The following GPRC5B variants were observed in gnomAD, a reference collection of about 807,000 sequenced individuals.
The protein encoded by GPRC5B is G protein-coupled receptor class C group 5 member B, also known as G protein-coupled receptor family C group 5 member B.
A neutral mutation model predicts 30.1 loss-of-function variants in GPRC5B; 16 were observed. The observed-to-expected ratio is 0.53, with a 90% CI of 0.36 to 0.81. GPRC5B has a LOEUF of 0.81. Ranked by LOEUF, GPRC5B falls within the 30% of genes least tolerant of loss-of-function variation. The probability of loss-of-function intolerance (pLI) is 0.01; values close to 1 mark genes in which losing one functional copy is unlikely to be tolerated. For synonymous variants in GPRC5B, 241 were observed against 239.5 expected (o/e 1.01, Z -0.06); for missense variants, 428 against 544.7 (o/e 0.79, Z 2.13).
At chr16:19,877,064 A>G (rs2056764507) in intron 1 of GPRC5B, among the ~76,000 whole-genome samples, 1 of 152,186 alleles carries the variant, frequency 6.6e-6, no homozygotes, top group South Asian at 2.1e-4. Context: ...TGGGGTTGAA[A>G]AACTACAAGG....
In GPRC5B at chr16:19,861,087, T is replaced by TAAAAAAAAAAAAAAAAAAAAAA. The variant is rs3067833; in HGVS notation, c.1168-544_1168-543insTTTTTTTTTTTTTTTTTTTTTT. Among the ~76,000 whole-genome samples, 91 of 93,352 alleles carry TAAAAAAAAAAAAAAAAAAAAAA rather than the reference T, an allele frequency of 9.7e-4. 2 individuals are homozygous for TAAAAAAAAAAAAAAAAAAAAAA. Among genetic ancestry groups the TAAAAAAAAAAAAAAAAAAAAAA allele is most frequent in the African/African-American group, 4.3e-3 (88 of 20,472 alleles). The allele number at this position is 93,352 out of a possible 152,430, so 61.2% of individuals were successfully genotyped here. On this transcript the variant is annotated intron_variant, in intron 3 of 3. Transcript: ENST00000300571. ...GATCAAAGACCATCCCTGATTTACA[T>TAAAAAAAAAAAAAAAAAAAAAA]AAAAAAAAAAAAAAAAAGAAGAATG...
Position 19,872,574 on chromosome 16 carries a change from C to T in GPRC5B, c.272G>A (p.Ser91Asn), listed in dbSNP as rs1326864009. 2 of 1,614,022 alleles carry T rather than the reference C, an allele frequency of 1.2e-6. No homozygotes were observed. The highest frequency in any genetic ancestry group is 1.7e-6 in the Non-Finnish European group (2 of 1,179,986). The stretch of plus-strand genomic sequence containing the variant: ...GAACAGAAAGTGGAGGCCCACAGGG[C>T]TCTTCTTCTCCTTCTCCTTGATGAA... The part of the protein sequence containing the change: ...LPFIKEKEKK[S>N]PVGLHFLFLL... Residue 91 changes from serine (S) to asparagine (N), a missense_variant, in exon 2 of 4, where the codon AGC becomes AAC. Coordinates refer to ENST00000300571, the MANE Select transcript of GPRC5B (RefSeq NM_016235.3). The surrounding 1 kb of genome is among the most constrained non-coding windows in gnomAD (Gnocchi z 5.0).
chr16:19,881,132 C>T (rs2141153890), intron 1 of GPRC5B: 1 of 152,414 alleles, frequency 6.6e-6, no homozygotes, highest in East Asian at 1.9e-4. Context: ...GGCTGAAAGG[C>T]CTCAGTGGGA....
Position 19,884,798 on chromosome 16 carries a change from C to A in GPRC5B, c.-73G>T. On this transcript the variant is annotated 5_prime_UTR_variant, in exon 1 of 4. Transcript: ENST00000300571. The stretch of plus-strand genomic sequence containing the variant: ...CCGAGTCACATCTCTGCGGCGCGGC[C>A]GCGGCCCCCGCTCCACGCACGCCCG... 1.6e-5 allele frequency: 16 copies of A among 984,438 alleles called. No homozygotes were observed. Among genetic ancestry groups the A allele is most frequent in the Non-Finnish European group, 1.9e-5 (16 of 829,496 alleles). 61.0% of individuals were successfully genotyped at this position (984,438 alleles called of 1,614,324 possible).
chr16:19,876,916 C>T (rs960039810), intron 1 of GPRC5B, among the ~76,000 whole-genome samples: 1 of 152,256 alleles, frequency 6.6e-6, no homozygotes. Context: ...CTGTCCTAGG[C>T]CTGGCCAATC....
chr16:19,867,707 G>T (rs2056678370), intron 2 of GPRC5B, among the ~76,000 whole-genome samples: 1 of 152,182 alleles, frequency 6.6e-6, no homozygotes, highest in Non-Finnish European at 1.5e-5. Flanking sequence ...TTTGGGAGGT[G>T]ATTAGGCCAT....
At chr16:19,868,094 G>T (rs927488382) in intron 2 of GPRC5B, among the ~76,000 whole-genome samples, 1 of 150,688 alleles carries the variant, frequency 6.6e-6, no homozygotes, top group Non-Finnish European at 1.5e-5. Context: ...GAAAAAGGGG[G>T]CTGGGTGCGG....
In GPRC5B at chr16:19,857,290, C is replaced by T. The variant is rs539290457; in HGVS notation, c.*3210G>A. 50 of 346,520 alleles carry T rather than the reference C, an allele frequency of 1.4e-4. No individual in the cohort carries two copies. The highest frequency in any genetic ancestry group is 9.3e-4 in the South Asian group (40 of 43,172). 21.5% of individuals were successfully genotyped at this position (346,520 alleles called of 1,614,324 possible). A position where few individuals can be genotyped will look rare whatever the true frequency, so the allele number is the denominator to read the frequency against. Reference sequence around the variant, plus strand: ...TGGGTTGTTTTGACAAGCTACCACACGTCTTAAGTAAATAGTAAAGCCTTT... The same window carrying T: ...TGGGTTGTTTTGACAAGCTACCACATGTCTTAAGTAAATAGTAAAGCCTTT... On this transcript the variant is annotated 3_prime_UTR_variant, in exon 4 of 4. Coordinates refer to ENST00000300571, the MANE Select transcript of GPRC5B (RefSeq NM_016235.3).
chr16:19,877,651 A>T (rs2056768612), intron 1 of GPRC5B, among the ~76,000 whole-genome samples: 1 of 152,228 alleles, frequency 6.6e-6, no homozygotes, highest in African/African-American at 2.4e-5. Flanking sequence ...CACTCTGTGT[A>T]CTTCGCGTAT....
At chr16:19,866,389 CTT>C (rs1326682552) in intron 2 of GPRC5B, among the ~76,000 whole-genome samples, 1 of 151,948 alleles carries the variant, frequency 6.6e-6, no homozygotes, top group Non-Finnish European at 1.5e-5. Context: ...TAAGGTCTCC[CTT>C]TGTCACCCAG....
At chr16:19,881,976 G>A (rs559606409) in intron 1 of GPRC5B, among the ~76,000 whole-genome samples, 10 of 152,332 alleles carry the variant, frequency 6.6e-5, no homozygotes, top group Middle Eastern at 6.8e-3. Flanking sequence ...GGCTCAGGAT[G>A]GGGCTGCAGA....
chr16:19,878,088 A>T (rs1822667833), intron 1 of GPRC5B, among the ~76,000 whole-genome samples: 1 of 151,832 alleles, frequency 6.6e-6, no homozygotes, highest in Non-Finnish European at 1.5e-5. Flanking sequence ...GATCCCAGCT[A>T]CTTGGGGGAC....
intron 1 of GPRC5B, among the ~76,000 whole-genome samples, chr16:19,875,799 T>A (rs1434899374): frequency 6.6e-6 from 1 of 151,934 alleles, no homozygotes; most frequent in Non-Finnish European, 1.5e-5. Flanking sequence ...TAAATAAAAA[T>A]AAAATAAAAT....
chr16:19,864,238 G>A (rs975840985), intron 2 of GPRC5B, among the ~76,000 whole-genome samples: 7 of 152,172 alleles, frequency 4.6e-5, no homozygotes, highest in Non-Finnish European at 8.8e-5. Flanking sequence ...AAGCCAACTC[G>A]GGGCCTTCTA....
intron 1 of GPRC5B, among the ~76,000 whole-genome samples, chr16:19,878,477 G>A (rs759373497): frequency 1.1e-4 from 17 of 151,888 alleles, no homozygotes; most frequent in Admixed American, 2.6e-4. Flanking sequence ...TATTTTAGCA[G>A]AGACGGAGGT....
chr16:19,882,362 G>T (rs1050509482), intron 1 of GPRC5B: 1 of 152,242 alleles, frequency 6.6e-6, no homozygotes, highest in Non-Finnish European at 1.5e-5. Context: ...ATCCACAGTG[G>T]TTGGTTCCTC....
rs7191120 is a variant in GPRC5B at position 19,863,016 on chromosome 16, C to G, written c.1031-1043G>C. On this transcript the variant is annotated intron_variant, in intron 2 of 3. Coordinates refer to ENST00000300571, the MANE Select transcript of GPRC5B (RefSeq NM_016235.3). ...TTTTGCAAATTACTTGGGGCAGGGA[C>G]CAAAATCACCTTAGTTATACAGTTA... Among the ~76,000 whole-genome samples, 966 of 152,238 alleles carry G rather than the reference C, an allele frequency of 6.3e-3. 8 individuals are homozygous for G. Among genetic ancestry groups the G allele is most frequent in the Middle Eastern group, 0.024 (7 of 294 alleles).
chr16:19,864,784 G>A (rs1251990819), intron 2 of GPRC5B, among the ~76,000 whole-genome samples: 2 of 152,198 alleles, frequency 1.3e-5, no homozygotes, highest in South Asian at 2.1e-4. Context: ...AGATGCCAAC[G>A]GCTGCTCCTC....
At chr16:19,883,487 C>T (rs969792153) in intron 1 of GPRC5B, among the ~76,000 whole-genome samples, 1 of 152,268 alleles carries the variant, frequency 6.6e-6, no homozygotes, top group East Asian at 1.9e-4. Context: ...TCCGCAAGCC[C>T]GAGTCCCCAC....
Sources: gnomAD v4.1 joint callset for allele counts (sites outside exome capture counted in the v4.1 genomes callset) on GRCh38, gnomAD v4.1.1 for gene constraint, Gnocchi (gnomAD v3.1) non-coding constraint, MANE v1.5 for transcripts, NCBI Gene and HGNC (gene_info 2026-07-23, HGNC 2026-07-21) for gene names.